The following PCDH11Y variants were observed in gnomAD, a reference collection of about 807,000 sequenced individuals.
PCDH11Y encodes protocadherin 11 Y-linked.
For synonymous variants in PCDH11Y, 9 were observed against 83.6 expected (o/e 0.11, Z 4.87); for missense variants, 12 against 224.8 (o/e 0.05, Z 6.05).
chrY:5,487,460 G>T, intron 2 of PCDH11Y, among the ~76,000 whole-genome samples: 1 of 33,744 alleles, frequency 3.0e-5, no homozygotes. Flanking sequence ...GCCTCCCAAA[G>T]TGCTGGGATT....
At chrY:5,596,344 A>C in intron 4 of PCDH11Y, among the ~76,000 whole-genome samples, 1 of 33,525 alleles carries the variant, frequency 3.0e-5, no homozygotes, top group Admixed American at 2.7e-4. Flanking sequence ...TATGTTTGAC[A>C]TCATGATAAT....
intron 2 of PCDH11Y, among the ~76,000 whole-genome samples, chrY:5,488,245 T>G: frequency 3.0e-5 from 1 of 33,551 alleles, no homozygotes; most frequent in Admixed American, 2.7e-4. Flanking sequence ...ATGTTCAGAG[T>G]GTGCTACTCT....
intron 1 of PCDH11Y, among the ~76,000 whole-genome samples, chrY:5,013,176 C>T: frequency 3.1e-5 from 1 of 32,785 alleles, no homozygotes; most frequent in African/African-American, 1.2e-4. Flanking sequence ...AGTTAATTTA[C>T]AATGGCATTA....
At chrY:5,685,777 T>G in intron 4 of PCDH11Y, among the ~76,000 whole-genome samples, 1 of 30,700 alleles carries the variant, frequency 3.3e-5, no homozygotes, top group South Asian at 7.5e-4. Context: ...AAAATATACT[T>G]TATTACCCAG....
intron 3 of PCDH11Y, chrY:5,573,319 G>A: frequency 3.6e-6 from 1 of 275,810 alleles, no homozygotes. Flanking sequence ...GGCGGCATGG[G>A]GCCTGGGGGC....
chrY:5,049,243 G>A, intron 3 of PCDH11Y, among the ~76,000 whole-genome samples: 1 of 31,648 alleles, frequency 3.2e-5, no homozygotes, highest in African/African-American at 1.3e-4. Context: ...TGTTCTATTC[G>A]TCTATGTGTC....
chrY:5,123,532 G>A, intron 2 of PCDH11Y, among the ~76,000 whole-genome samples: 1 of 32,434 alleles, frequency 3.1e-5, no homozygotes, highest in South Asian at 6.9e-4. Context: ...TTCTGACTCT[G>A]GAATAAGACC....
intron 2 of PCDH11Y, among the ~76,000 whole-genome samples, chrY:5,122,337 C>T (rs1239445992): frequency 0.023 from 756 of 32,803 alleles, no homozygotes; most frequent in Middle Eastern, 0.2. Flanking sequence ...TAGGAGGAGC[C>T]CAGAGTGGCC....
chrY:5,381,850 C>G, intron 2 of PCDH11Y, among the ~76,000 whole-genome samples: 4 of 33,417 alleles, frequency 1.2e-4, no homozygotes, highest in African/African-American at 4.7e-4. Context: ...CATAAGAAGT[C>G]AAAAGACAGC....
chrY:5,457,556 G>T, intron 2 of PCDH11Y, among the ~76,000 whole-genome samples: 1 of 32,867 alleles, frequency 3.0e-5, no homozygotes, highest in African/African-American at 1.2e-4. Flanking sequence ...AAAGAGTGGG[G>T]AAAAAAGGAG....
intron 2 of PCDH11Y, among the ~76,000 whole-genome samples, chrY:5,454,174 C>T (rs2124683024): frequency 6.0e-5 from 2 of 33,596 alleles, no homozygotes. Flanking sequence ...AAAGAGAAAT[C>T]GGCCAAAGAA....
chrY:5,153,835 T>A, intron 2 of PCDH11Y, among the ~76,000 whole-genome samples: 1 of 29,970 alleles, frequency 3.3e-5, no homozygotes, highest in Non-Finnish European at 8.0e-5. Context: ...TGAGAAATAT[T>A]AGTAAAAGAA....
At chrY:5,521,243 G>A (rs2053380542) in intron 3 of PCDH11Y, among the ~76,000 whole-genome samples, 1 of 30,820 alleles carries the variant, frequency 3.2e-5, no homozygotes, top group African/African-American at 1.3e-4. Context: ...GCATAATCTC[G>A]GCTCACTGAA....
chrY:5,256,448 T>C (rs207480211), intron 2 of PCDH11Y, among the ~76,000 whole-genome samples: 23 of 33,752 alleles, frequency 6.8e-4, no homozygotes, highest in African/African-American at 2.7e-3. Flanking sequence ...TACTATAGCT[T>C]TGTAGTAAAA....
intron 2 of PCDH11Y, among the ~76,000 whole-genome samples, chrY:5,495,425 T>G (rs1602933873): frequency 3.2e-4 from 11 of 34,179 alleles, no homozygotes; most frequent in African/African-American, 1.1e-3. Flanking sequence ...AGAAATCCTC[T>G]GACATTCAGA....
intron 2 of PCDH11Y, among the ~76,000 whole-genome samples, chrY:5,416,482 G>A (rs2053253391): frequency 3.1e-5 from 1 of 32,451 alleles, no homozygotes; most frequent in South Asian, 7.2e-4. Flanking sequence ...AAGAAATTCT[G>A]ACCTTATGAT....
intron 3 of PCDH11Y, among the ~76,000 whole-genome samples, chrY:5,542,697 C>A (rs2053408798): frequency 3.1e-5 from 1 of 32,470 alleles, no homozygotes; most frequent in Non-Finnish European, 7.6e-5. Context: ...TGTATTCAGG[C>A]CCTTCTCGTA....
chrY:5,464,833 C>T, intron 2 of PCDH11Y, among the ~76,000 whole-genome samples: 1 of 33,001 alleles, frequency 3.0e-5, no homozygotes, highest in African/African-American at 1.2e-4. Context: ...ACACGCTGCT[C>T]TGTCTGTCTG....
chrY:5,228,619 T>C, intron 2 of PCDH11Y, among the ~76,000 whole-genome samples: 2 of 31,389 alleles, frequency 6.4e-5, no homozygotes, highest in African/African-American at 2.5e-4. Context: ...TGGTATGTTG[T>C]GTTTCCATTA....
Sources: allele counts gnomAD v4.1 joint callset (sites outside exome capture counted in the v4.1 genomes callset), GRCh38; gene constraint gnomAD v4.1.1; transcripts MANE v1.5; gene names NCBI Gene and HGNC (gene_info 2026-07-23, HGNC 2026-07-21).